ZNF362: variants seen among roughly 807,000 people sequenced by gnomAD.
The protein encoded by ZNF362 is rotund homolog.
A neutral mutation model predicts 42.9 loss-of-function variants in ZNF362; 11 were observed. The ratio of observed to expected loss-of-function variants is 0.26; its 90% CI spans 0.16 to 0.42. The LOEUF is 0.42. ZNF362 is among the 20% of genes least tolerant of loss of function. The probability of loss-of-function intolerance (pLI) is 1.00; values close to 1 mark genes in which losing one functional copy is unlikely to be tolerated. For missense variants in ZNF362, 362 were observed against 576.2 expected, an observed-to-expected ratio of 0.63 and a Z score of 3.81; for synonymous variants, 255 against 257.3, an observed-to-expected ratio of 0.99 and a Z score of 0.09.
At position 33,276,451 on chromosome 1, in the gene ZNF362, T is replaced by C; in HGVS notation, c.206T>C (p.Leu69Ser). 6.4e-7 allele frequency: 1 copy of C among 1,572,476 alleles called. No homozygotes were observed. Among genetic ancestry groups the C allele is most frequent in the South Asian group, 1.2e-5 (1 of 86,310 alleles). Residue 69 changes from leucine (L) to serine (S), a missense_variant, in exon 4 of 9, where the codon TTG becomes TCG. Coordinates refer to ENST00000539719, the MANE Select transcript of ZNF362 (RefSeq NM_152493.3). ...ACGTCGGCCTCGTCGCAGCAGCCGTTGCTAGTGCCGCCGGCACCCGCCGAG... is the reference window on the plus strand; with the variant it reads ...ACGTCGGCCTCGTCGCAGCAGCCGTCGCTAGTGCCGCCGGCACCCGCCGAG... ...PPTSASSQQPLLVPPAPAESS... is the reference protein window; with the variant it reads ...PPTSASSQQPSLVPPAPAESS...
At chr1:33,166,087 C>A in the ZNF362 span, 1 of 152,400 alleles carries the variant, frequency 6.6e-6, no homozygotes, top group Admixed American at 6.5e-5. Context: ...GGAGTGTGAA[C>A]TGCACATGGG....
chr1:33,275,131 C>T (rs901860315), intron 2 of ZNF362: 5 of 985,212 alleles, frequency 5.1e-6, no homozygotes, highest in Admixed American at 6.1e-5. Flanking sequence ...GAGAGAGATA[C>T]GAGAAACTTG....
At chr1:33,161,373 G>A in the ZNF362 span, among the ~76,000 whole-genome samples, 1 of 152,166 alleles carries the variant, frequency 6.6e-6, no homozygotes, top group African/African-American at 2.4e-5. This position sits in a 1 kb window ranked among gnomAD's most constrained non-coding sequence, Gnocchi z 4.3. Context: ...CAGCATGTGG[G>A]GCCTGCCTCT....
chr1:33,295,774 C>T (rs1646119268), intron 8 of ZNF362, among the ~76,000 whole-genome samples: 1 of 152,186 alleles, frequency 6.6e-6, no homozygotes, highest in Non-Finnish European at 1.5e-5. Context: ...TTTCCCCAAA[C>T]GAGGGCCTTT....
At chr1:33,177,702 G>A in the ZNF362 span, among the ~76,000 whole-genome samples, 1 of 152,080 alleles carries the variant, frequency 6.6e-6, no homozygotes, top group Non-Finnish European at 1.5e-5. The surrounding 1 kb of genome is among the most constrained non-coding windows in gnomAD (Gnocchi z 4.1). Flanking sequence ...GCATCTAATG[G>A]GTAGAGGCCA....
the ZNF362 span, among the ~76,000 whole-genome samples, chr1:33,227,039 G>A: frequency 6.6e-6 from 1 of 152,134 alleles, no homozygotes; most frequent in Non-Finnish European, 1.5e-5. Flanking sequence ...TGAGAATACT[G>A]GGGACAGTGA....
the ZNF362 span, among the ~76,000 whole-genome samples, chr1:33,128,497 G>A: frequency 6.6e-6 from 1 of 152,236 alleles, no homozygotes; most frequent in African/African-American, 2.4e-5. Flanking sequence ...TACGTATGAA[G>A]TAACTTGTCT....
intron 4 of ZNF362, 77 bp downstream of exon 4, chr1:33,276,671 A>T (rs1474548627): frequency 7.8e-7 from 1 of 1,284,254 alleles, no homozygotes; most frequent in East Asian, 3.5e-5. Flanking sequence ...GGACTTGGTG[A>T]GGATGGGACC....
chr1:33,178,490 C>T, the ZNF362 span, among the ~76,000 whole-genome samples: 1 of 152,316 alleles, frequency 6.6e-6, no homozygotes, highest in South Asian at 2.1e-4. Flanking sequence ...AGAGGAGAGT[C>T]TGGGCATTCA....
the ZNF362 span, among the ~76,000 whole-genome samples, chr1:33,152,680 C>T: frequency 6.6e-6 from 1 of 151,802 alleles, no homozygotes; most frequent in African/African-American, 2.4e-5. Flanking sequence ...ATCATTATTA[C>T]AAACAAATAA....
At chr1:33,203,697 T>G in the ZNF362 span, among the ~76,000 whole-genome samples, 1 of 152,228 alleles carries the variant, frequency 6.6e-6, no homozygotes, top group African/African-American at 2.4e-5. Context: ...CTTGTGGTTT[T>G]GATTCGCATT....
chr1:33,292,697 C>A (rs367883756), intron 6 of ZNF362, among the ~76,000 whole-genome samples: 1 of 152,150 alleles, frequency 6.6e-6, no homozygotes, highest in Non-Finnish European at 1.5e-5. Context: ...TCCGTCTGGT[C>A]CTGGACTTGG....
chr1:33,165,333 T>TAGAA, the ZNF362 span: 4,321 of 708,964 alleles, frequency 6.1e-3, 169 homozygotes, highest in East Asian at 0.096. This position sits in a 1 kb window ranked among gnomAD's most constrained non-coding sequence, Gnocchi z 4.0. Context: ...CCTGCCCTTC[T>TAGAA]CACTCCAGGT....
At chr1:33,175,621 G>A in the ZNF362 span, among the ~76,000 whole-genome samples, 60 of 152,286 alleles carry the variant, frequency 3.9e-4, no homozygotes, top group African/African-American at 1.3e-3. Context: ...GGTGAATTCT[G>A]AGTCAGAAAG....
the ZNF362 span, chr1:33,165,480 C>T: frequency 1.6e-5 from 25 of 1,603,528 alleles, no homozygotes; most frequent in Non-Finnish European, 2.0e-5. This position sits in a 1 kb window ranked among gnomAD's most constrained non-coding sequence, Gnocchi z 4.0. Flanking sequence ...CCTTGGTCTC[C>T]GCCAGTTGTC....
At chr1:33,177,493 G>A in the ZNF362 span, among the ~76,000 whole-genome samples, 2 of 152,178 alleles carry the variant, frequency 1.3e-5, no homozygotes, top group Non-Finnish European at 2.9e-5. The surrounding 1 kb of genome is among the most constrained non-coding windows in gnomAD (Gnocchi z 4.1). Flanking sequence ...GTAATCTGGA[G>A]TACAAAGCAA....
At chr1:33,236,550 A>AAAATATATATATATATATAT in the ZNF362 span, among the ~76,000 whole-genome samples, 1 of 5,970 alleles carries the variant, frequency 1.7e-4, no homozygotes, top group African/African-American at 3.9e-4. Flanking sequence ...AAAAAAAAAA[A>AAAATATATATATATATATAT]ATATATATAT....
upstream of ZNF362, among the ~76,000 whole-genome samples, chr1:33,255,471 G>C (rs527247463): frequency 7.9e-5 from 2 of 25,416 alleles, no homozygotes; most frequent in Admixed American, 8.6e-4. Context: ...GCCGGTGAAG[G>C]GATCCTGGAA....
At chr1:33,226,236 T>C in the ZNF362 span, among the ~76,000 whole-genome samples, 3 of 152,210 alleles carry the variant, frequency 2.0e-5, no homozygotes, top group Admixed American at 6.5e-5. Context: ...AGGAATATTT[T>C]GTTGTCCCAT....
Sources: gnomAD v4.1 joint callset for allele counts (sites outside exome capture counted in the v4.1 genomes callset) on GRCh38, gnomAD v4.1.1 for gene constraint, Gnocchi (gnomAD v3.1) non-coding constraint, MANE v1.5 for transcripts, NCBI Gene and HGNC (gene_info 2026-07-23, HGNC 2026-07-21) for gene names.